The following CDH8 variants were observed in gnomAD, a reference collection of about 807,000 sequenced individuals.
CDH8 encodes cadherin-8.
A neutral mutation model predicts 68.1 loss-of-function variants in CDH8; 17 were observed. The ratio of observed to expected loss-of-function variants is 0.25; its 90% CI spans 0.17 to 0.37. CDH8 has a LOEUF of 0.37. CDH8 is among the 10% of genes least tolerant of loss of function. The probability of loss-of-function intolerance (pLI) is 1.00; values close to 1 mark genes in which losing one functional copy is unlikely to be tolerated. For synonymous variants in CDH8, 372 were observed against 365.1 expected, an observed-to-expected ratio of 1.02 and a Z score of -0.21; for missense variants, 763 against 999.3, an observed-to-expected ratio of 0.76 and a Z score of 3.19.
chr16:61,827,204 A>G (rs1458336536), intron 4 of CDH8, among the ~76,000 whole-genome samples: 1 of 151,900 alleles, frequency 6.6e-6, no homozygotes, highest in African/African-American at 2.4e-5. Flanking sequence ...TCAAATTTTC[A>G]GTAAAAAAGA....
At chr16:61,712,440 C>T (rs1348716785) in intron 10 of CDH8, among the ~76,000 whole-genome samples, 2 of 151,650 alleles carry the variant, frequency 1.3e-5, no homozygotes, top group South Asian at 2.1e-4. Context: ...ATTTTAAATG[C>T]TGTGCGTTTT....
chr16:61,755,064 T>C (rs572604568), intron 8 of CDH8, among the ~76,000 whole-genome samples: 1 of 152,316 alleles, frequency 6.6e-6, no homozygotes, highest in East Asian at 1.9e-4. Flanking sequence ...ATGTAAAATA[T>C]AATTCAGAAC....
intron 10 of CDH8, among the ~76,000 whole-genome samples, chr16:61,696,096 A>AT (rs755199129): frequency 1.3e-5 from 2 of 152,242 alleles, no homozygotes; most frequent in African/African-American, 2.4e-5. Context: ...GACAACTACA[A>AT]TTCGTAACTT....
rs753689079 is a variant in CDH8 at position 61,653,283 on chromosome 16, A to AT, written c.*324dup. ...TCTAAGAAAGCACCTTTTAATTATG[A>AT]TTTTTTCCTCTATTTAAACCATTTA... On this transcript the variant is annotated 3_prime_UTR_variant, in exon 12 of 12. Coordinates refer to ENST00000577390, the MANE Select transcript of CDH8 (RefSeq NM_001796.5). 63 of 1,171,392 alleles carry AT rather than the reference A, an allele frequency of 5.4e-5. No homozygotes were observed. The highest frequency in any genetic ancestry group is 7.9e-5 in the African/African-American group (5 of 62,920). The allele number at this position is 1,171,392 out of a possible 1,614,324, so 72.6% of individuals were successfully genotyped here.
intron 10 of CDH8, among the ~76,000 whole-genome samples, chr16:61,684,409 A>G (rs1964068175): frequency 6.6e-6 from 1 of 152,036 alleles, no homozygotes; most frequent in Admixed American, 6.6e-5. Context: ...TTGGCTAGGC[A>G]ATAAAAAAGA....
intron 8 of CDH8, among the ~76,000 whole-genome samples, chr16:61,768,369 C>CTCA (rs1567461189): frequency 8.5e-5 from 2 of 23,552 alleles, no homozygotes; most frequent in Non-Finnish European, 1.6e-4. Flanking sequence ...TCTCTCTCTC[C>CTCA]CTTTCTCTCT....
At chr16:61,755,810 CCTT>C (rs1477284345) in intron 8 of CDH8, among the ~76,000 whole-genome samples, 3 of 150,914 alleles carry the variant, frequency 2.0e-5, no homozygotes, top group East Asian at 1.9e-4. Flanking sequence ...TTCTTCTTCT[CCTT>C]CTTCTTTTTT....
In CDH8 at chr16:61,650,206, C is replaced by A. The variant is rs1043751044; in HGVS notation, c.*3402G>T. 6.6e-6 allele frequency: 1 copy of A among 151,894 alleles called. No individual in the cohort carries two copies. The highest frequency in any genetic ancestry group is 2.4e-5 in the African/African-American group (1 of 41,344). The allele number at this position is 151,894 out of a possible 1,614,324, so 9.4% of individuals were successfully genotyped here. On this transcript the variant is annotated 3_prime_UTR_variant, in exon 12 of 12. Transcript: ENST00000577390. ...CATAAAAATATTGTTAAGAAATGCC[C>A]CCCTTAATACTCTTTAATATTCATA...
chr16:61,844,126 G>A (rs1449882542), intron 4 of CDH8, among the ~76,000 whole-genome samples: 1 of 151,868 alleles, frequency 6.6e-6, no homozygotes, highest in Non-Finnish European at 1.5e-5. Flanking sequence ...GTCCTTTGTA[G>A]GGACATGGAT....
intron 2 of CDH8, among the ~76,000 whole-genome samples, chr16:61,958,221 T>C (rs1965019313): frequency 6.6e-6 from 1 of 152,122 alleles, no homozygotes; most frequent in African/African-American, 2.4e-5. Context: ...GATGATAGCC[T>C]AGGTGGACCA....
intron 7 of CDH8, among the ~76,000 whole-genome samples, chr16:61,811,467 A>C (rs890425120): frequency 2.0e-5 from 3 of 152,278 alleles, no homozygotes; most frequent in East Asian, 3.9e-4. Context: ...AAAATGGTGG[A>C]GCTGTTATGG....
intron 3 of CDH8, among the ~76,000 whole-genome samples, chr16:61,877,151 C>T (rs1314733430): frequency 6.6e-6 from 1 of 152,134 alleles, no homozygotes; most frequent in Non-Finnish European, 1.5e-5. Flanking sequence ...GAGACCACTA[C>T]ATTCATAAAA....
At chr16:61,712,303 A>G (rs948654925) in intron 10 of CDH8, among the ~76,000 whole-genome samples, 5 of 151,630 alleles carry the variant, frequency 3.3e-5, no homozygotes, top group African/African-American at 7.3e-5. Context: ...ATATCTTCCC[A>G]TTCACCCAAT....
chr16:61,834,142 T>C (rs1010592103), intron 4 of CDH8, among the ~76,000 whole-genome samples: 1 of 151,876 alleles, frequency 6.6e-6, no homozygotes, highest in Non-Finnish European at 1.5e-5. Flanking sequence ...TAATTGAAGC[T>C]TGCTGCTTCA....
rs537152208 is a variant in CDH8, at chr16:61,663,783, A to G, written c.1655-8062T>C. ...ATCTTATAAGAATTCCTGTTACCGAACAAAACCAAAATTGAGTAAACACAT... is the reference window on the plus strand; with the variant it reads ...ATCTTATAAGAATTCCTGTTACCGAGCAAAACCAAAATTGAGTAAACACAT... On this transcript the variant is annotated intron_variant, in intron 10 of 11. Coordinates refer to ENST00000577390, the MANE Select transcript of CDH8 (RefSeq NM_001796.5). Among the ~76,000 whole-genome samples, 5 of 152,208 alleles carry G rather than the reference A, an allele frequency of 3.3e-5. No individual in the cohort carries two copies. In the East Asian group the frequency reaches 9.7e-4, roughly 29 times the overall value.
intron 2 of CDH8, among the ~76,000 whole-genome samples, chr16:62,012,203 G>A (rs1486551476): frequency 6.6e-6 from 1 of 152,056 alleles, no homozygotes; most frequent in Non-Finnish European, 1.5e-5. Flanking sequence ...AACTTTTCTA[G>A]GTCATTCCTA....
At chr16:61,951,403 C>T (rs1287684032) in intron 2 of CDH8, among the ~76,000 whole-genome samples, 1 of 150,364 alleles carries the variant, frequency 6.7e-6, no homozygotes, top group Admixed American at 6.7e-5. Context: ...GTCCCAGCTA[C>T]TTGGGAGGCT....
chr16:61,819,560 GAT>G (rs1450215399), intron 6 of CDH8, among the ~76,000 whole-genome samples: 3 of 152,046 alleles, frequency 2.0e-5, no homozygotes, highest in African/African-American at 4.8e-5. Context: ...TTGGTAGAAA[GAT>G]AGCATTGCTC....
intron 1 of CDH8, among the ~76,000 whole-genome samples, chr16:62,030,509 A>T (rs1032269675): frequency 6.6e-6 from 1 of 152,188 alleles, no homozygotes; most frequent in Non-Finnish European, 1.5e-5. Context: ...TTTATAAATC[A>T]AATTTTGGAG....
Sources: allele counts gnomAD v4.1 joint callset (sites outside exome capture counted in the v4.1 genomes callset), GRCh38; gene constraint gnomAD v4.1.1; transcripts MANE v1.5; gene names NCBI Gene and HGNC (gene_info 2026-07-23, HGNC 2026-07-21).